Variants in SP140 observed in about 807,000 individuals in gnomAD.
The protein encoded by SP140 is nuclear body protein SP140.
In SP140, 81 loss-of-function variants were observed where a neutral mutation model predicts 125.0. That is an observed-to-expected ratio of 0.65 (90% CI 0.54 to 0.78). The LOEUF (loss-of-function observed/expected upper bound fraction) is 0.78, where lower values mean the gene tolerates loss of function less well. Among genes scored for constraint, SP140 ranks in the 30% least tolerant of loss-of-function variants. SP140 has a pLI of 0.00. For missense variants in SP140, 858 were observed against 1,037.0 expected (o/e 0.83, Z 2.37); for synonymous variants, 312 against 354.0 (o/e 0.88, Z 1.33).
chr2:230,212,267 A>G, intron 1 of SP140: 10 of 1,052,106 alleles, frequency 9.5e-6, no homozygotes, highest in Non-Finnish European at 1.5e-5. Flanking sequence ...GGTTCCCACC[A>G]TAGCCTCTTG....
upstream of SP140, among the ~76,000 whole-genome samples, chr2:230,198,898 C>T (rs535315417): frequency 1.6e-4 from 25 of 152,178 alleles, no homozygotes; most frequent in African/African-American, 3.1e-4. Flanking sequence ...TATCTGTGAC[C>T]GGAAGCATTT....
At chr2:230,190,036 T>C in the SP140 span, among the ~76,000 whole-genome samples, 2 of 152,214 alleles carry the variant, frequency 1.3e-5, no homozygotes, top group African/African-American at 4.8e-5. Flanking sequence ...GTCTTTACAG[T>C]AGAATGATTT....
intron 5 of SP140, 103 bp downstream of exon 5, chr2:230,243,914 G>A: frequency 1.3e-6 from 1 of 756,890 alleles, no homozygotes; most frequent in Non-Finnish European, 2.3e-6. Context: ...CATGCCACAG[G>A]CAAAAGATCC....
In SP140 at chr2:230,292,664, T is replaced by C. The variant is rs745853797; in HGVS notation, c.1844T>C (p.Ile615Thr). 6.2e-7 allele frequency: 1 copy of C among 1,614,068 alleles called. No homozygotes were observed. Among genetic ancestry groups the C allele is most frequent in the Admixed American group, 1.7e-5 (1 of 60,012 alleles). ...KLQQGILVKC[I>T]QTEDGKWFTP... Reference sequence around the variant, plus strand: ...CTTACAGGAATCTTGGTGAAGTGTATACAGACTGAGGATGGAAAATGGTTC... The same window carrying C: ...CTTACAGGAATCTTGGTGAAGTGTACACAGACTGAGGATGGAAAATGGTTC... Residue 615 changes from isoleucine to threonine, a missense_variant, in exon 20 of 27, where the codon ATA becomes ACA. Physicochemically the swap from Ile to Thr is moderately conservative, Grantham distance 89. This residue lies in a region of SP140 where 791 missense variants were observed against 869.5 expected (regional missense o/e 0.91). Transcript: ENST00000392045.
At chr2:230,229,188 C>T (rs577994465) in intron 1 of SP140, among the ~76,000 whole-genome samples, 1 of 151,996 alleles carries the variant, frequency 6.6e-6, no homozygotes, top group African/African-American at 2.4e-5. Flanking sequence ...TTCTGCCCTC[C>T]TGTTCTTTTT....
At chr2:230,284,449 T>G in intron 16 of SP140, 38 bp downstream of exon 16, 1 of 1,552,600 alleles carries the variant, frequency 6.4e-7, no homozygotes. Context: ...GCTTTTGAGT[T>G]TATTAGGGCA....
intron 14 of SP140, among the ~76,000 whole-genome samples, chr2:230,270,356 C>A (rs967396845): frequency 8.5e-5 from 13 of 152,140 alleles, no homozygotes; most frequent in Admixed American, 2.6e-4. Flanking sequence ...GGAGGAAAGA[C>A]TGCAGGTCTA....
chr2:230,241,188 A>G (rs148769813), intron 3 of SP140, among the ~76,000 whole-genome samples: 1 of 152,284 alleles, frequency 6.6e-6, no homozygotes, highest in East Asian at 1.9e-4. Context: ...ATTTTCTGGG[A>G]TGGTGGAAAT....
At chr2:230,285,644 G>A (rs1041089341) in intron 16 of SP140, 108 bp from the exon 17 acceptor site, 31 of 901,566 alleles carry the variant, frequency 3.4e-5, no homozygotes, top group East Asian at 1.2e-4. Context: ...ACACCTGCTC[G>A]AGGGGATCCA....
the SP140 span, among the ~76,000 whole-genome samples, chr2:230,186,714 T>A: frequency 6.6e-6 from 1 of 152,194 alleles, no homozygotes; most frequent in Non-Finnish European, 1.5e-5. Flanking sequence ...TGCCTTTGAG[T>A]ACTAATATCT....
At chr2:230,243,710 G>C in intron 4 of SP140, 21 bp from the exon 5 acceptor site, 1 of 1,577,264 alleles carries the variant, frequency 6.3e-7, no homozygotes, top group Non-Finnish European at 8.7e-7. Flanking sequence ...GACATCTAAG[G>C]GATTTCATTC....
chr2:230,249,870 T>C (rs1326312684), intron 9 of SP140, among the ~76,000 whole-genome samples: 1 of 152,132 alleles, frequency 6.6e-6, no homozygotes, highest in African/African-American at 2.4e-5. Flanking sequence ...CAGGCCCCCC[T>C]AGGTAGACAG....
chr2:230,217,245 CAAAA>C (rs6147220), intron 3 of SP140, among the ~76,000 whole-genome samples: 85 of 79,798 alleles, frequency 1.1e-3, no homozygotes, highest in Admixed American at 2.5e-3. Context: ...GACTCCATCT[CAAAA>C]AAAAAAAAAA....
intron 1 of SP140, among the ~76,000 whole-genome samples, chr2:230,229,831 TTC>T (rs1491313265): frequency 2.6e-5 from 4 of 152,132 alleles, no homozygotes; most frequent in Non-Finnish European, 5.9e-5. Flanking sequence ...GGCTTTTTTT[TTC>T]TTTCATCACT....
chr2:230,294,160 G>A, intron 20 of SP140, 111 bp from the exon 21 acceptor site: 1 of 804,068 alleles, frequency 1.2e-6, no homozygotes, highest in Non-Finnish European at 2.1e-6. Context: ...CCTTGGATTT[G>A]AGCTGGCAGT....
intron 1 of SP140, among the ~76,000 whole-genome samples, chr2:230,206,595 T>TTATACATA (rs2043844605): frequency 1.4e-5 from 1 of 70,508 alleles, no homozygotes; most frequent in Non-Finnish European, 2.8e-5. Flanking sequence ...GGTCCAGATT[T>TTATACATA]TATATATATA....
At chr2:230,230,138 A>G (rs1279577095) in intron 1 of SP140, among the ~76,000 whole-genome samples, 1 of 152,156 alleles carries the variant, frequency 6.6e-6, no homozygotes, top group Non-Finnish European at 1.5e-5. Context: ...TGTTTCTGAA[A>G]TCCATCTCCC....
At chr2:230,269,393 T>G in intron 12 of SP140, 139 bp from the exon 13 acceptor site, 2 of 638,884 alleles carry the variant, frequency 3.1e-6, no homozygotes, top group South Asian at 3.8e-5. Flanking sequence ...CAAATGTGAT[T>G]ATTGGAGCAG....
chr2:230,304,636 G>A (rs2149574047), intron 22 of SP140, among the ~76,000 whole-genome samples: 2 of 152,212 alleles, frequency 1.3e-5, no homozygotes, highest in East Asian at 3.9e-4. Flanking sequence ...CTTTGACAAA[G>A]CAAACAAAAG....
Sources: allele counts gnomAD v4.1 joint callset (sites outside exome capture counted in the v4.1 genomes callset), GRCh38; gene constraint gnomAD v4.1.1; regional missense constraint gnomAD v4.1.1; transcripts MANE v1.5; gene names NCBI Gene and HGNC (gene_info 2026-07-23, HGNC 2026-07-21).